The following CFAP43 variants were observed in gnomAD, a reference collection of about 807,000 sequenced individuals.
CFAP43 encodes cilia and flagella associated protein 43, also known as cilia- and flagella-associated protein 43.
A neutral mutation model predicts 218.9 loss-of-function variants in CFAP43; 155 were observed. That is an observed-to-expected ratio of 0.71 (90% CI 0.62 to 0.81). The LOEUF is 0.81. Among genes scored for constraint, CFAP43 ranks in the 30% least tolerant of loss-of-function variants. The pLI, the probability that CFAP43 is intolerant of heterozygous loss-of-function variation, is 0.00. For synonymous variants in CFAP43, 645 were observed against 681.3 expected, an observed-to-expected ratio of 0.95 and a Z score of 0.83; for missense variants, 1,778 against 1,954.3, an observed-to-expected ratio of 0.91 and a Z score of 1.70.
chr10:104,188,331 C>G lies in CFAP43; in HGVS notation c.1626G>C (p.Ser542=), dbSNP rs747748851. Reference sequence around the variant, plus strand: ...ACCTGCTTCTCCCTGCTTCTGGAAGCGAGGAAAGCACCATCACTTCCACTA... The same window carrying G: ...ACCTGCTTCTCCCTGCTTCTGGAAGGGAGGAAAGCACCATCACTTCCACTA... ...TDIVEVMVLS[S]LPEAGRSRLE... Residue 542 remains serine, a synonymous_variant, in exon 13 of 38, where the codon TCG becomes TCC. Transcript: ENST00000357060. The G allele has an allele frequency of 3.1e-6, 5 of 1,613,958 alleles. No homozygotes were observed. The Admixed American group carries it at 8.3e-5, about 27-fold the overall frequency.
chr10:104,145,479 G>A lies in CFAP43; in HGVS notation c.3941C>T (p.Pro1314Leu), dbSNP rs771473960. The A allele has an allele frequency of 5.7e-6, 9 of 1,588,296 alleles. No homozygotes were observed. Among genetic ancestry groups the A allele is most frequent in the East Asian group, 2.3e-5 (1 of 44,430 alleles). Residue 1314 changes from proline (P) to leucine (L), a missense_variant, in exon 31 of 38, where the codon CCA becomes CTA. Around this residue, in one of 3 missense-constraint regions of CFAP43, gnomAD observed 1,553 missense variants for 1,685.2 expected, o/e 0.92. Coordinates refer to ENST00000357060, the MANE Select transcript of CFAP43 (RefSeq NM_025145.7). ...DILYKLFKRR[P>L]RISKQKTHSE... Reference sequence around the variant, plus strand: ...CAATAGTGAAGGAGAAACAAACCTTGGTCGGCGTTTAAAAAGTTTGTAGAG... The same window carrying A: ...CAATAGTGAAGGAGAAACAAACCTTAGTCGGCGTTTAAAAAGTTTGTAGAG...
At chr10:104,227,606 CTGTT>C (rs1266899581) in intron 2 of CFAP43, among the ~76,000 whole-genome samples, 1 of 152,024 alleles carries the variant, frequency 6.6e-6, no homozygotes, top group Non-Finnish European at 1.5e-5. Context: ...TTCTAAGAGG[CTGTT>C]TGTTTTGTTC....
chr10:104,143,376 T>C, intron 32 of CFAP43, 50 bp downstream of exon 32: 2 of 1,488,652 alleles, frequency 1.3e-6, no homozygotes, highest in Non-Finnish European at 9.2e-7. Context: ...GTAAACTATG[T>C]ATTTGATATT....
rs1413968421 is a variant in CFAP43 at position 104,161,153 on chromosome 10, G to A, written c.3424C>T (p.Gln1142Ter). Reference sequence around the variant, plus strand: ...TCAGGTTTTGCCATGAAAGCAGGTTGAGGAATCACCTGAAGATATGAAGAA... The same window carrying A: ...TCAGGTTTTGCCATGAAAGCAGGTTAAGGAATCACCTGAAGATATGAAGAA... ...KEDILRMVIP[Q>*]PAFMAKPDAV... The change falls in exon 27 of 38, where the codon CAA (glutamine) becomes TAA (stop). Residue 1142 changes from glutamine (Q) to a stop codon, truncating the protein, a stop_gained. Transcript: ENST00000357060. LOFTEE classifies it high-confidence loss of function. 1.2e-6 allele frequency: 2 copies of A among 1,613,564 alleles called. No homozygotes were observed. Among genetic ancestry groups the A allele is most frequent in the Non-Finnish European group, 8.5e-7 (1 of 1,179,826 alleles).
intron 17 of CFAP43, 128 bp downstream of exon 17, chr10:104,182,238 A>T (rs1195997117): frequency 9.2e-7 from 1 of 1,084,030 alleles, no homozygotes; most frequent in Non-Finnish European, 1.3e-6. Flanking sequence ...CCCTTTTTGA[A>T]AATCATGGGA....
chr10:104,217,531 G>A (rs2091049218), intron 3 of CFAP43, among the ~76,000 whole-genome samples: 1 of 152,106 alleles, frequency 6.6e-6, no homozygotes, highest in African/African-American at 2.4e-5. Context: ...ACCCACTCCG[G>A]CACCCATGTC....
At chr10:104,223,552 A>G (rs536702466) in intron 3 of CFAP43, among the ~76,000 whole-genome samples, 1 of 152,348 alleles carries the variant, frequency 6.6e-6, no homozygotes, top group African/African-American at 2.4e-5. Context: ...ACACTAACAC[A>G]TTTGTGCTCA....
At chr10:104,173,017 A>G (rs1445338619) in intron 19 of CFAP43, among the ~76,000 whole-genome samples, 2 of 152,198 alleles carry the variant, frequency 1.3e-5, no homozygotes, top group Non-Finnish European at 2.9e-5. Flanking sequence ...GAACTTCTAT[A>G]CAATAAAAAT....
chr10:104,188,120 T>C lies in CFAP43; in HGVS notation c.1687+150A>G, dbSNP rs952223865. 13 of 954,346 alleles carry C rather than the reference T, an allele frequency of 1.4e-5. No homozygotes were observed. In the African/African-American group the frequency reaches 2.2e-4, roughly 16 times the overall value. 59.1% of individuals were successfully genotyped at this position (954,346 alleles called of 1,614,324 possible). ...AGGAAAAGTCCACACTTCAAACTGT[T>C]TAGCATGTTGGTTTTACTTTGTAAA... On this transcript the variant is annotated intron_variant, in intron 13 of 37. Transcript: ENST00000357060.
At chr10:104,136,560 G>A (rs937791465) in intron 34 of CFAP43, among the ~76,000 whole-genome samples, 2 of 151,548 alleles carry the variant, frequency 1.3e-5, no homozygotes, top group African/African-American at 2.4e-5. Flanking sequence ...TAGTAGAGAC[G>A]GGGTTTCACA....
intron 16 of CFAP43, among the ~76,000 whole-genome samples, chr10:104,184,753 C>T (rs1004216565): frequency 6.6e-6 from 1 of 152,032 alleles, no homozygotes; most frequent in African/African-American, 2.4e-5. Flanking sequence ...CTAAACCTGC[C>T]CAATCCTCCC....
chr10:104,130,173 C>T lies in CFAP43; in HGVS notation c.4964G>A (p.Arg1655Lys). The change falls in exon 38 of 38, where the codon AGA (arginine) becomes AAA (lysine). Residue 1655 changes from arginine to lysine, a missense_variant. Physicochemically the swap from Arg to Lys is conservative, Grantham distance 26. Coordinates refer to ENST00000357060, the MANE Select transcript of CFAP43 (RefSeq NM_025145.7). ...AACAAGAGCAGGAAATGTTTTCATT[C>T]TTAATCTTTCAACTTCAGTCTGTAG... ...SILQTEVERLRMKTFPALVQM is the reference protein window; with the variant it reads ...SILQTEVERLKMKTFPALVQM The T allele has an allele frequency of 6.2e-7, 1 of 1,605,338 alleles. No individual in the cohort carries two copies. Among genetic ancestry groups the T allele is most frequent in the Non-Finnish European group, 8.5e-7 (1 of 1,177,482 alleles).
intron 19 of CFAP43, among the ~76,000 whole-genome samples, chr10:104,175,525 A>C (rs928857943): frequency 6.6e-6 from 1 of 152,216 alleles, no homozygotes; most frequent in Non-Finnish European, 1.5e-5. Context: ...TGAAAATATC[A>C]TGTCAAAAGG....
At chr10:104,195,455 T>G (rs190663261) in intron 10 of CFAP43, among the ~76,000 whole-genome samples, 1 of 152,358 alleles carries the variant, frequency 6.6e-6, no homozygotes, top group East Asian at 1.9e-4. Flanking sequence ...TCACATAGAC[T>G]ATGGAGTCTT....
intron 20 of CFAP43, among the ~76,000 whole-genome samples, chr10:104,172,012 AG>A (rs1038042399): frequency 6.6e-6 from 1 of 152,242 alleles, no homozygotes; most frequent in African/African-American, 2.4e-5. Flanking sequence ...GAGGGGCCAT[AG>A]AGTAGGAAGT....
In CFAP43 at chr10:104,167,753, G is replaced by GC; in HGVS notation, c.2692-17dup. 1.3e-6 allele frequency: 2 copies of GC among 1,574,584 alleles called. No individual in the cohort carries two copies. Among genetic ancestry groups the GC allele is most frequent in the Non-Finnish European group, 1.7e-6 (2 of 1,156,830 alleles). On this transcript the variant is annotated splice_polypyrimidine_tract_variant and intron_variant, in intron 21 of 37. Coordinates refer to ENST00000357060, the MANE Select transcript of CFAP43 (RefSeq NM_025145.7). ...TATGAAAACACTTGGGGAAAAAAAC[G>GC]CAAGACAAAATAAATCCATTTGTAG... is the stretch of plus-strand genomic sequence containing the variant.
chr10:104,138,524 A>G (rs754832028), intron 34 of CFAP43, among the ~76,000 whole-genome samples: 18 of 152,194 alleles, frequency 1.2e-4, no homozygotes, highest in Middle Eastern at 3.4e-3. Flanking sequence ...GAAAATACAA[A>G]ATTAGCCAGG....
In CFAP43 at chr10:104,186,845, G is replaced by A. The variant is rs1019470664; in HGVS notation, c.1860+475C>T. On this transcript the variant is annotated intron_variant, in intron 14 of 37. Coordinates refer to ENST00000357060, the MANE Select transcript of CFAP43 (RefSeq NM_025145.7). ...ACAGGTCAAGGGGCAGCAAGCAGGA[G>A]GGTACTGGGCCATTATGTGCAGCAG... Among the ~76,000 whole-genome samples, 3 of 152,260 alleles carry A rather than the reference G, an allele frequency of 2.0e-5. 1 individual carries two copies. Among genetic ancestry groups the A allele is most frequent in the Admixed American group, 1.3e-4 (2 of 15,298 alleles).
chr10:104,159,456 G>A (rs1048883378), intron 27 of CFAP43, among the ~76,000 whole-genome samples: 1 of 152,094 alleles, frequency 6.6e-6, no homozygotes, highest in African/African-American at 2.4e-5. Flanking sequence ...TCCACAGGGT[G>A]GGAAAAATTG....
Sources: gnomAD v4.1 joint callset for allele counts (sites outside exome capture counted in the v4.1 genomes callset) on GRCh38, gnomAD v4.1.1 for gene constraint, gnomAD v4.1.1 regional missense constraint, MANE v1.5 for transcripts, NCBI Gene and HGNC (gene_info 2026-07-23, HGNC 2026-07-21) for gene names.